The following TFDP2 variants were observed in gnomAD, a reference collection of about 807,000 sequenced individuals.
The protein encoded by TFDP2 is transcription factor Dp-2.
A neutral mutation model predicts 59.3 loss-of-function variants in TFDP2; 17 were observed. The observed-to-expected ratio is 0.29, with a 90% CI of 0.20 to 0.43. The LOEUF is 0.43. Among genes scored for constraint, TFDP2 ranks in the 20% least tolerant of loss-of-function variants. The pLI is 1.00. For missense variants in TFDP2, 391 were observed against 528.8 expected (o/e 0.74, Z 2.56); for synonymous variants, 180 against 194.7 (o/e 0.92, Z 0.63).
At position 142,073,468 on chromosome 3, in the gene TFDP2, C is replaced by G. The variant is rs1172203183; in HGVS notation, c.82+19593G>C. 1.8e-4 allele frequency among the ~76,000 whole-genome samples: 13 copies of G among 71,768 alleles called. 3 individuals are homozygous for G. Among genetic ancestry groups the G allele is most frequent in the Admixed American group, 9.5e-4 (7 of 7,372 alleles). The allele number at this position is 71,768 out of a possible 152,430, so 47.1% of individuals were successfully genotyped here. On this transcript the variant is annotated intron_variant, in intron 3 of 12. Coordinates refer to ENST00000489671, the MANE Select transcript of TFDP2 (RefSeq NM_001178139.2). ...AAAACAAACAAACAACCCCCCCCCC[C>G]CCGCAAAAAAAAAAAATAAAAAAGA...
At position 142,023,629 on chromosome 3, in the gene TFDP2, C is replaced by G. The variant is rs1214548937; in HGVS notation, c.83-18085G>C. ...GATCGTTGTTTTATAATACCATGCA[C>G]TAAGTAGCTCACTCAAAACTGCAGT... On this transcript the variant is annotated intron_variant, in intron 3 of 12. Coordinates refer to ENST00000489671, the MANE Select transcript of TFDP2 (RefSeq NM_001178139.2). Among the ~76,000 whole-genome samples the G allele has an allele frequency of 2.0e-5, 3 of 152,286 alleles. No homozygotes were observed. In the East Asian group the frequency reaches 5.8e-4, roughly 29 times the overall value.
intron 3 of TFDP2, among the ~76,000 whole-genome samples, chr3:142,068,162 G>A (rs988769032): frequency 6.6e-6 from 1 of 151,946 alleles, no homozygotes; most frequent in Admixed American, 6.6e-5. Flanking sequence ...AATGGGCAAA[G>A]GCAATTTAAT....
intron 1 of TFDP2, among the ~76,000 whole-genome samples, chr3:142,122,229 A>G (rs2062074129): frequency 6.6e-6 from 1 of 152,212 alleles, no homozygotes; most frequent in Non-Finnish European, 1.5e-5. Context: ...ATAACAGTGC[A>G]TCAAAAGTTT....
In TFDP2 at chr3:142,119,408, A is replaced by G. The variant is rs148575468; in HGVS notation, c.-92-17567T>C. Among the ~76,000 whole-genome samples the G allele has an allele frequency of 2.4e-4, 36 of 152,362 alleles. No homozygotes were observed. In the East Asian group the frequency reaches 5.8e-3, roughly 24 times the overall value. The stretch of plus-strand genomic sequence containing the variant: ...ATAACATACAAAGCAAGACAACAGT[A>G]GAACAGCACTTTCAAGAAACTTAAG... On this transcript the variant is annotated intron_variant, in intron 1 of 12. Transcript: ENST00000489671.
intron 1 of TFDP2, among the ~76,000 whole-genome samples, chr3:142,110,395 T>C (rs1459159554): frequency 6.6e-6 from 1 of 151,928 alleles, no homozygotes; most frequent in Non-Finnish European, 1.5e-5. Context: ...TCCCAGCTAC[T>C]TGGGAGGCTG....
intron 1 of TFDP2, among the ~76,000 whole-genome samples, chr3:142,118,942 C>A (rs2061941400): frequency 6.6e-6 from 1 of 152,166 alleles, no homozygotes; most frequent in Non-Finnish European, 1.5e-5. Flanking sequence ...AGGTGGATCA[C>A]TTGAGGCCAG....
At chr3:142,003,004 C>T (rs1281174169) in intron 4 of TFDP2, among the ~76,000 whole-genome samples, 1 of 151,144 alleles carries the variant, frequency 6.6e-6, no homozygotes, top group African/African-American at 2.4e-5. Context: ...GAGCTCCCTT[C>T]AACTTTTTTT....
In TFDP2 at chr3:141,973,093, G is replaced by GTGTA. The variant is rs1457558651; in HGVS notation, c.663+954_663+955insTACA. ...TCTTAATTATCTCCCAAAGCTATGT[G>GTGTA]TATATATATATATATATATATATAT... On this transcript the variant is annotated intron_variant, in intron 8 of 12. Transcript: ENST00000489671. Among the ~76,000 whole-genome samples the GTGTA allele has an allele frequency of 3.0e-4, 31 of 103,166 alleles. 1 individual carries two copies. Among genetic ancestry groups the GTGTA allele is most frequent in the South Asian group, 1.4e-3 (4 of 2,928 alleles). 67.7% of individuals were successfully genotyped at this position (103,166 alleles called of 152,430 possible). A position where few individuals can be genotyped will look rare whatever the true frequency, so the allele number is the denominator to read the frequency against.
At chr3:142,034,181 C>T (rs1946569156) in intron 3 of TFDP2, among the ~76,000 whole-genome samples, 1 of 150,948 alleles carries the variant, frequency 6.6e-6, no homozygotes, top group Non-Finnish European at 1.5e-5. Flanking sequence ...CCTCAACCTC[C>T]GCCTCCCAGG....
chr3:141,963,723 T>C, intron 10 of TFDP2, 89 bp downstream of exon 10: 2 of 1,467,504 alleles, frequency 1.4e-6, no homozygotes, highest in Non-Finnish European at 9.2e-7. Context: ...GGGGTGCAAC[T>C]AATAAAGTGC....
Position 141,944,547 on chromosome 3 carries a change from T to C in TFDP2, c.*7966A>G, listed in dbSNP as rs1299062300. ...GAGATGCTTTTTCTTTCCTTTAATC[T>C]TATAGGATGGACAAAGATACACTTT... is the stretch of plus-strand genomic sequence containing the variant. On this transcript the variant is annotated 3_prime_UTR_variant, in exon 13 of 13. Transcript: ENST00000489671. The C allele has an allele frequency of 6.6e-6, 1 of 152,188 alleles. No homozygotes were observed. Among genetic ancestry groups the C allele is most frequent in the Non-Finnish European group, 1.5e-5 (1 of 68,022 alleles). The allele number at this position is 152,188 out of a possible 1,614,324, so 9.4% of individuals were successfully genotyped here.
intron 3 of TFDP2, chr3:142,054,114 C>T (rs1421882795): frequency 1.3e-5 from 2 of 152,174 alleles, no homozygotes; most frequent in Non-Finnish European, 2.9e-5. Flanking sequence ...TATACACTTA[C>T]CATATGACCC....
At chr3:141,987,611 C>A (rs138445231) in intron 6 of TFDP2, among the ~76,000 whole-genome samples, 1 of 149,054 alleles carries the variant, frequency 6.7e-6, no homozygotes, top group African/African-American at 2.5e-5. Flanking sequence ...TGTATGCGTG[C>A]GTGCATGTGT....
Position 142,149,248 on chromosome 3 carries a change from CG to C in TFDP2, c.-159del, listed in dbSNP as rs991347851. ...TCGGGCCGAGCCAGGAGCGCGTCTT[CG>C]GGCGCCGCCGCTTCTGTGGCGCCCG... On this transcript the variant is annotated 5_prime_UTR_variant, in exon 1 of 13. Transcript: ENST00000489671. 2.5e-6 allele frequency: 1 copy of C among 397,312 alleles called. No individual in the cohort carries two copies. The highest frequency in any genetic ancestry group is 2.1e-5 in the African/African-American group (1 of 48,674). 24.6% of individuals were successfully genotyped at this position (397,312 alleles called of 1,614,324 possible). A position where few individuals can be genotyped will look rare whatever the true frequency, so the allele number is the denominator to read the frequency against.
At chr3:142,089,570 A>G (rs769637178) in intron 3 of TFDP2, among the ~76,000 whole-genome samples, 17 of 152,132 alleles carry the variant, frequency 1.1e-4, no homozygotes, top group Non-Finnish European at 8.8e-5. Flanking sequence ...TAATAAATAA[A>G]AAGAAACAAA....
intron 1 of TFDP2, among the ~76,000 whole-genome samples, chr3:142,142,300 A>G (rs991564786): frequency 6.6e-6 from 1 of 152,238 alleles, no homozygotes; most frequent in Non-Finnish European, 1.5e-5. Context: ...TAGCATTTCC[A>G]TATGCCAACA....
intron 3 of TFDP2, among the ~76,000 whole-genome samples, chr3:142,018,929 GTTTT>G (rs62753560): frequency 4.8e-5 from 6 of 125,202 alleles, no homozygotes; most frequent in South Asian, 5.1e-4. Flanking sequence ...TTTTTGGTGA[GTTTT>G]TTTTTTTTTT....
rs1011922444 is a variant in TFDP2 at position 142,025,653 on chromosome 3, T to C, written c.83-20109A>G. Among the ~76,000 whole-genome samples the C allele has an allele frequency of 5.2e-5, 8 of 152,384 alleles. 1 individual carries two copies. Among genetic ancestry groups the C allele is most frequent in the African/African-American group, 1.9e-4 (8 of 41,600 alleles). On this transcript the variant is annotated intron_variant, in intron 3 of 12. Transcript: ENST00000489671. ...AAAAAAAGTTCTTTAGGCAAATCTATAGTTTGTAAATCCATTTTAAAGTCC... is the reference window on the plus strand; with the variant it reads ...AAAAAAAGTTCTTTAGGCAAATCTACAGTTTGTAAATCCATTTTAAAGTCC...
At chr3:142,110,223 G>A (rs2061604134) in intron 1 of TFDP2, among the ~76,000 whole-genome samples, 1 of 152,110 alleles carries the variant, frequency 6.6e-6, no homozygotes, top group Non-Finnish European at 1.5e-5. Flanking sequence ...AAAAAATGCA[G>A]CCAGGCACGG....
Sources: gnomAD v4.1 joint callset for allele counts (sites outside exome capture counted in the v4.1 genomes callset) on GRCh38, gnomAD v4.1.1 for gene constraint, MANE v1.5 for transcripts, NCBI Gene and HGNC (gene_info 2026-07-23, HGNC 2026-07-21) for gene names.